The following SDCCAG8 variants were observed in gnomAD, a reference collection of about 807,000 sequenced individuals.
SDCCAG8 encodes the protein SHH signaling and ciliogenesis regulator SDCCAG8, also known as serologically defined colon cancer antigen 8.
In SDCCAG8, 74 loss-of-function variants were observed where a neutral mutation model predicts 101.8. That is an observed-to-expected ratio of 0.73 (90% CI 0.60 to 0.88). The LOEUF (loss-of-function observed/expected upper bound fraction) is 0.88. SDCCAG8 is among the 40% of genes least tolerant of loss of function. The pLI is 0.00. For missense variants in SDCCAG8, 787 were observed against 822.6 expected, an observed-to-expected ratio of 0.96 and a Z score of 0.53; for synonymous variants, 281 against 292.9, an observed-to-expected ratio of 0.96 and a Z score of 0.41.
intron 9 of SDCCAG8, among the ~76,000 whole-genome samples, chr1:243,325,107 C>G (rs2074053755): frequency 6.6e-6 from 1 of 152,166 alleles, no homozygotes; most frequent in South Asian, 2.1e-4. Flanking sequence ...ACCAGAAGAC[C>G]TTGAAATCAG....
intron 13 of SDCCAG8, among the ~76,000 whole-genome samples, chr1:243,411,479 G>A (rs2148002309): frequency 6.6e-6 from 1 of 152,182 alleles, no homozygotes; most frequent in South Asian, 2.1e-4. Context: ...ATTTCTAACT[G>A]TGCAGGTAAA....
At chr1:243,297,123 TACTC>T (rs1186876822) in intron 6 of SDCCAG8, among the ~76,000 whole-genome samples, 1 of 152,232 alleles carries the variant, frequency 6.6e-6, no homozygotes, top group Non-Finnish European at 1.5e-5. Context: ...TTTCTGAAAA[TACTC>T]AAGTATGCAT....
chr1:243,397,383 T>TA (rs1295470994), intron 13 of SDCCAG8, among the ~76,000 whole-genome samples: 2 of 152,228 alleles, frequency 1.3e-5, no homozygotes, highest in African/African-American at 4.8e-5. Context: ...TAAGCTTTTT[T>TA]AAATCCATCC....
rs2080596470 is a variant in SDCCAG8 at position 243,416,519 on chromosome 1, T to C, written c.1744+690T>C. 6.6e-6 allele frequency among the ~76,000 whole-genome samples: 1 copy of C among 152,198 alleles called. No individual in the cohort carries two copies. Among genetic ancestry groups the C allele is most frequent in the African/African-American group, 2.4e-5 (1 of 41,456 alleles). On this transcript the variant is annotated intron_variant, in intron 14 of 17. Coordinates refer to ENST00000366541, the MANE Select transcript of SDCCAG8 (RefSeq NM_006642.5). This position sits in a 1 kb window ranked among gnomAD's most constrained non-coding sequence, Gnocchi z 4.3. The stretch of plus-strand genomic sequence containing the variant: ...TTCTTCAAGTTCTCACAACTGCTGT[T>C]AAAATTCACTAATACAAGGCACTGA...
At chr1:243,396,123 T>C (rs1017703270) in intron 13 of SDCCAG8, among the ~76,000 whole-genome samples, 1 of 152,148 alleles carries the variant, frequency 6.6e-6, no homozygotes, top group African/African-American at 2.4e-5. Flanking sequence ...TGGTTTGCCC[T>C]TTTCCTAAAG....
At chr1:243,397,714 T>G (rs1196820361) in intron 13 of SDCCAG8, among the ~76,000 whole-genome samples, 1 of 152,266 alleles carries the variant, frequency 6.6e-6, no homozygotes, top group East Asian at 1.9e-4. Flanking sequence ...GGCCACAATC[T>G]GCAGGTTAAT....
At chr1:243,475,449 C>T (rs1249199194) in intron 16 of SDCCAG8, among the ~76,000 whole-genome samples, 1 of 152,134 alleles carries the variant, frequency 6.6e-6, no homozygotes, top group East Asian at 1.9e-4. Context: ...CCTGCTCCCC[C>T]TTCCCTCCGG....
intron 16 of SDCCAG8, among the ~76,000 whole-genome samples, chr1:243,487,425 A>T (rs1558538491): frequency 6.6e-6 from 1 of 152,184 alleles, no homozygotes; most frequent in Non-Finnish European, 1.5e-5. Flanking sequence ...GCCAGAAGGA[A>T]ACCTACTTTT....
intron 12 of SDCCAG8, among the ~76,000 whole-genome samples, chr1:243,365,431 G>A (rs1021026998): frequency 7.9e-5 from 12 of 152,128 alleles, no homozygotes; most frequent in Admixed American, 3.9e-4. Context: ...ACTGTACATC[G>A]AAGTCTTGGA....
At chr1:243,304,066 C>T (rs1229094398) in intron 6 of SDCCAG8, among the ~76,000 whole-genome samples, 2 of 140,574 alleles carry the variant, frequency 1.4e-5, no homozygotes, top group Non-Finnish European at 3.2e-5. Context: ...GAGTGAGACT[C>T]TGTCTCAAAA....
At chr1:243,425,397 G>C (rs1007744262) in intron 15 of SDCCAG8, among the ~76,000 whole-genome samples, 2 of 152,070 alleles carry the variant, frequency 1.3e-5, no homozygotes, top group Non-Finnish European at 2.9e-5. Flanking sequence ...CTCCATACAC[G>C]TGAGCAGCCT....
intron 12 of SDCCAG8, among the ~76,000 whole-genome samples, chr1:243,359,725 G>A (rs539236308): frequency 2.0e-4 from 31 of 152,258 alleles, no homozygotes; most frequent in South Asian, 4.2e-4. Context: ...GGAGACCTAC[G>A]GCAGATATTT....
chr1:243,350,482 T>C (rs2076023413), intron 12 of SDCCAG8, among the ~76,000 whole-genome samples: 1 of 152,154 alleles, frequency 6.6e-6, no homozygotes, highest in Non-Finnish European at 1.5e-5. Flanking sequence ...CCTCCCAAAG[T>C]GCTGGGATTA....
At chr1:243,473,869 C>T (rs1229222116) in intron 16 of SDCCAG8, among the ~76,000 whole-genome samples, 1 of 131,050 alleles carries the variant, frequency 7.6e-6, no homozygotes, top group Non-Finnish European at 1.5e-5. Context: ...TTCCATGGCA[C>T]TTTTTAGGAG....
intron 15 of SDCCAG8, among the ~76,000 whole-genome samples, chr1:243,420,703 G>A (rs555148734): frequency 5.4e-4 from 82 of 152,290 alleles, no homozygotes; most frequent in Admixed American, 9.1e-4. Flanking sequence ...CATTTTGTGT[G>A]CCTCACAAGA....
intron 17 of SDCCAG8, among the ~76,000 whole-genome samples, chr1:243,497,337 T>TG (rs373624566): frequency 0.24 from 8,381 of 34,936 alleles, 708 homozygotes; most frequent in African/African-American, 0.38. Context: ...TAGGCACGGG[T>TG]GGGGGGGGGG....
chr1:243,275,651 A>G (rs950207582), intron 4 of SDCCAG8, among the ~76,000 whole-genome samples: 15 of 152,134 alleles, frequency 9.9e-5, no homozygotes, highest in Admixed American at 5.9e-4. Context: ...TGTGGATAAA[A>G]CTTGAAAGAT....
intron 3 of SDCCAG8, among the ~76,000 whole-genome samples, chr1:243,273,850 C>T (rs894378505): frequency 2.6e-5 from 4 of 152,122 alleles, no homozygotes; most frequent in Non-Finnish European, 4.4e-5. Flanking sequence ...ACTACTGCTA[C>T]CCCAGCATTT....
chr1:243,351,691 G>A (rs1247933382), intron 12 of SDCCAG8, among the ~76,000 whole-genome samples: 1 of 152,100 alleles, frequency 6.6e-6, no homozygotes, highest in African/African-American at 2.4e-5. Flanking sequence ...AGCCTCTTTT[G>A]TTCTTGTCCT....
Sources: gnomAD v4.1 joint callset for allele counts (sites outside exome capture counted in the v4.1 genomes callset) on GRCh38, gnomAD v4.1.1 for gene constraint, Gnocchi (gnomAD v3.1) non-coding constraint, MANE v1.5 for transcripts, NCBI Gene and HGNC (gene_info 2026-07-23, HGNC 2026-07-21) for gene names.